The following TAF3 variants were observed in gnomAD, a reference collection of about 807,000 sequenced individuals.
TAF3 encodes transcription initiation factor TFIID subunit 3.
In TAF3, 7 loss-of-function variants were observed where a neutral mutation model predicts 80.6. That is an observed-to-expected ratio of 0.09 (90% CI 0.05 to 0.16). The LOEUF is 0.16. TAF3 is among the 10% of genes least tolerant of loss of function. The pLI, the probability that TAF3 is intolerant of heterozygous loss-of-function variation, is 1.00. For synonymous variants in TAF3, 444 were observed against 446.1 expected (o/e 1.00, Z 0.06); for missense variants, 921 against 1,140.2 (o/e 0.81, Z 2.77).
intron 2 of TAF3, among the ~76,000 whole-genome samples, chr10:7,944,787 G>A (rs1355150342): frequency 6.6e-6 from 1 of 152,194 alleles, no homozygotes; most frequent in Non-Finnish European, 1.5e-5. Flanking sequence ...AGGCCACAAG[G>A]AAAGGGAGAC....
intron 2 of TAF3, among the ~76,000 whole-genome samples, chr10:7,884,451 A>G (rs1837389991): frequency 7.0e-6 from 1 of 142,484 alleles, no homozygotes; most frequent in East Asian, 2.1e-4. Context: ...CAGTGGTGCC[A>G]TCTCGGCTCA....
At position 7,860,889 on chromosome 10, in the gene TAF3, T is replaced by A. The variant is rs139192748; in HGVS notation, c.409+36329T>A. On this transcript the variant is annotated intron_variant, in intron 2 of 6. Coordinates refer to ENST00000344293, the MANE Select transcript of TAF3 (RefSeq NM_031923.4). The stretch of plus-strand genomic sequence containing the variant: ...ATCTCGGGTCGCTGCAACCTCTGCC[T>A]CCTGGGTTCAAGCAATTCTCTGCTT... 3.5e-3 allele frequency among the ~76,000 whole-genome samples: 511 copies of A among 145,078 alleles called. 3 individuals carry two copies. Among genetic ancestry groups the A allele is most frequent in the African/African-American group, 0.013 (493 of 38,980 alleles).
At chr10:7,961,612 A>C (rs1177855141) in intron 2 of TAF3, among the ~76,000 whole-genome samples, 1 of 152,032 alleles carries the variant, frequency 6.6e-6, no homozygotes, top group Non-Finnish European at 1.5e-5. Flanking sequence ...TTCCTTGTTC[A>C]TATCATCCAT....
intron 4 of TAF3, among the ~76,000 whole-genome samples, chr10:7,982,686 A>T (rs1308419142): frequency 6.6e-6 from 1 of 152,170 alleles, no homozygotes; most frequent in Non-Finnish European, 1.5e-5. Context: ...AGGTGTGAGC[A>T]ATCTTGCTTG....
At chr10:8,004,446 A>G (rs1831973105) in intron 4 of TAF3, among the ~76,000 whole-genome samples, 1 of 152,158 alleles carries the variant, frequency 6.6e-6, no homozygotes, top group South Asian at 2.1e-4. Flanking sequence ...AGGACGAAAA[A>G]TTTGAGAATT....
intron 2 of TAF3, among the ~76,000 whole-genome samples, chr10:7,935,363 C>T (rs972666078): frequency 5.3e-5 from 8 of 151,840 alleles, no homozygotes; most frequent in Non-Finnish European, 8.8e-5. Flanking sequence ...TTTGGGAGGC[C>T]GAGGCGGGCA....
At chr10:7,840,789 A>G (rs184263483) in intron 2 of TAF3, among the ~76,000 whole-genome samples, 1 of 151,534 alleles carries the variant, frequency 6.6e-6, no homozygotes, top group Admixed American at 6.6e-5. Flanking sequence ...ATTGCCTTTT[A>G]TTTAGCTAAT....
At chr10:7,849,788 T>G (rs1206263805) in intron 2 of TAF3, among the ~76,000 whole-genome samples, 5 of 151,894 alleles carry the variant, frequency 3.3e-5, no homozygotes, top group African/African-American at 1.2e-4. Flanking sequence ...CAAGCGATCC[T>G]CCCACCTCAG....
chr10:7,963,828 A>G, intron 2 of TAF3, 92 bp from the exon 3 acceptor site: 1 of 1,261,432 alleles, frequency 7.9e-7, no homozygotes, highest in Non-Finnish European at 1.1e-6. Flanking sequence ...GAAAGAAAAA[A>G]GAAATCATAT....
rs114635053 is a variant in TAF3, at chr10:7,907,432, T to C, written c.410-56488T>C. 2.9e-3 allele frequency among the ~76,000 whole-genome samples: 448 copies of C among 152,316 alleles called. 3 individuals carry two copies. The highest frequency in any genetic ancestry group is 9.8e-3 in the African/African-American group (406 of 41,564). ...TTGTATTTAATTTATATTAGAAAAA[T>C]ACAATTAGCCCAAGGATCCAGTGAG... On this transcript the variant is annotated intron_variant, in intron 2 of 6. Transcript: ENST00000344293.
intron 2 of TAF3, among the ~76,000 whole-genome samples, chr10:7,940,081 A>G (rs1476224290): frequency 6.6e-6 from 1 of 152,240 alleles, no homozygotes; most frequent in African/African-American, 2.4e-5. Flanking sequence ...AGTCACATAC[A>G]AAGGACTGCA....
At chr10:7,945,376 A>G (rs893510704) in intron 2 of TAF3, among the ~76,000 whole-genome samples, 9 of 152,118 alleles carry the variant, frequency 5.9e-5, no homozygotes, top group African/African-American at 1.9e-4. Flanking sequence ...CCATTAGTGG[A>G]TTAAAAAAAC....
At chr10:7,820,297 C>T (rs902404579) in intron 1 of TAF3, among the ~76,000 whole-genome samples, 3 of 152,168 alleles carry the variant, frequency 2.0e-5, no homozygotes, top group African/African-American at 7.2e-5. Context: ...GTGTATGTCT[C>T]TTTCCCCTCT....
intron 3 of TAF3, among the ~76,000 whole-genome samples, chr10:7,972,977 A>G (rs1172454724): frequency 6.6e-6 from 1 of 152,214 alleles, no homozygotes; most frequent in Non-Finnish European, 1.5e-5. Flanking sequence ...AGGACTCACA[A>G]TGTGCGTCAG....
At chr10:8,013,620 A>G (rs1832074272) in intron 5 of TAF3, 111 bp from the exon 6 acceptor site, 1 of 750,824 alleles carries the variant, frequency 1.3e-6, no homozygotes, top group African/African-American at 1.7e-5. Context: ...TTTTTAGTTT[A>G]ATATGCCTGT....
chr10:7,917,096 G>T (rs1837718504), intron 2 of TAF3, among the ~76,000 whole-genome samples: 1 of 152,194 alleles, frequency 6.6e-6, no homozygotes, highest in Non-Finnish European at 1.5e-5. Context: ...CCTTTGACAT[G>T]GCAGATATTC....
chr10:7,826,694 G>A (rs1417610682), intron 2 of TAF3, among the ~76,000 whole-genome samples: 3 of 152,184 alleles, frequency 2.0e-5, no homozygotes, highest in African/African-American at 4.8e-5. Context: ...ATATGCATAT[G>A]GTTTATAAGG....
chr10:7,990,263 G>T (rs1217200784), intron 4 of TAF3, among the ~76,000 whole-genome samples: 1 of 152,228 alleles, frequency 6.6e-6, no homozygotes, highest in Non-Finnish European at 1.5e-5. Context: ...TGAACGGAAT[G>T]AACAGAATGA....
rs1836655410 is a variant in TAF3, at chr10:7,818,634, G to A, written c.-76G>A. On this transcript the variant is annotated 5_prime_UTR_variant, in exon 1 of 7. Transcript: ENST00000344293. ...CCGCGGAAGCCCTAGAGGATGAATCGGGGACCCTGCTAAGGTCTGGCGGCG... is the reference window on the plus strand; with the variant it reads ...CCGCGGAAGCCCTAGAGGATGAATCAGGGACCCTGCTAAGGTCTGGCGGCG... The A allele has an allele frequency of 2.0e-6, 3 of 1,502,938 alleles. No homozygotes were observed. The highest frequency in any genetic ancestry group is 2.7e-6 in the Non-Finnish European group (3 of 1,127,882). 93.1% of individuals were successfully genotyped at this position (1,502,938 alleles called of 1,614,324 possible).
Sources: allele counts gnomAD v4.1 joint callset (sites outside exome capture counted in the v4.1 genomes callset), GRCh38; gene constraint gnomAD v4.1.1; transcripts MANE v1.5; gene names NCBI Gene and HGNC (gene_info 2026-07-23, HGNC 2026-07-21).